RSPH4A: variants seen among roughly 807,000 people sequenced by gnomAD.
RSPH4A encodes the protein radial spoke head component 4A.
Under a neutral mutation model 71.0 loss-of-function variants are expected in RSPH4A, and 47 were observed. The ratio of observed to expected loss-of-function variants is 0.66; its 90% confidence interval spans 0.52 to 0.84. The LOEUF is 0.84. RSPH4A is among the 40% of genes least tolerant of loss of function. The pLI, the probability that RSPH4A is intolerant of heterozygous loss-of-function variation, is 0.00. For synonymous variants in RSPH4A, 282 were observed against 302.3 expected (o/e 0.93, Z 0.70); for missense variants, 793 against 855.2 (o/e 0.93, Z 0.91).
chr6:116,620,028 A>G (rs1010124287), intron 1 of RSPH4A, among the ~76,000 whole-genome samples: 1 of 152,182 alleles, frequency 6.6e-6, no homozygotes, highest in Admixed American at 6.5e-5. Context: ...CTATTAGTTA[A>G]TATTTTAAAC....
At chr6:116,620,251 T>G (rs757543409) in intron 1 of RSPH4A, among the ~76,000 whole-genome samples, 2 of 152,252 alleles carry the variant, frequency 1.3e-5, no homozygotes, top group Non-Finnish European at 2.9e-5. Flanking sequence ...TTTATTGAAT[T>G]ATTTTATAAT....
Position 116,623,001 on chromosome 6 carries a change from T to C in RSPH4A, c.920T>C (p.Ile307Thr), listed in dbSNP as rs748215667. ...GTTGACCAAGAATTGGAAGATGAAA[T>C]AGTAAGTCACTACTACAAATTTTAA... is the stretch of plus-strand genomic sequence containing the variant. Reference protein sequence around the residue: ...EGVDQELEDEIAENALPNVME... With the variant: ...EGVDQELEDETAENALPNVME... Residue 307 changes from isoleucine (I) to threonine (T), a missense_variant and splice_region_variant, in exon 2 of 6, where the codon ATA (isoleucine) becomes ACA (threonine). Transcript: ENST00000229554. The C allele has an allele frequency of 6.4e-7, 1 of 1,562,434 alleles. No homozygotes were observed. The highest frequency in any genetic ancestry group is 1.1e-5 in the South Asian group (1 of 89,990).
intron 4 of RSPH4A, 127 bp from the exon 5 acceptor site, chr6:116,630,308 G>A: frequency 1.4e-6 from 1 of 738,588 alleles, no homozygotes; most frequent in Non-Finnish European, 2.5e-6. Context: ...TTTTCTTTCT[G>A]TATCAAGTAT....
intron 2 of RSPH4A, among the ~76,000 whole-genome samples, chr6:116,624,853 G>C (rs905761305): frequency 6.6e-6 from 1 of 152,186 alleles, no homozygotes; most frequent in African/African-American, 2.4e-5. Context: ...TGGGAAAAAG[G>C]CTTTTCTGAC....
In RSPH4A at chr6:116,627,872, G is replaced by A. The variant is rs368398120; in HGVS notation, c.1165G>A (p.Glu389Lys). Reference protein sequence around the residue: ...EEEVEEEDVAEERDNGESEAH... With the variant: ...EEEVEEEDVAKERDNGESEAH... ...GGAAGTGGAAGAGGAAGATGTAGCT[G>A]AAGAGAGGGACAATGGAGAAAGTGA... Residue 389 changes from glutamate to lysine, a missense_variant, in exon 3 of 6, where the codon GAA (glutamate) becomes AAA (lysine). Glu to Lys is a moderately conservative substitution (Grantham distance 56). Coordinates refer to ENST00000229554, the MANE Select transcript of RSPH4A (RefSeq NM_001010892.3). 3.0e-5 allele frequency: 49 copies of A among 1,613,554 alleles called. No homozygotes were observed. The highest frequency in any genetic ancestry group is 1.6e-4 in the Middle Eastern group (1 of 6,084).
Position 116,616,740 on chromosome 6 carries a change from G to T in RSPH4A, c.117G>T (p.Ser39=), listed in dbSNP as rs747764316. Residue 39 remains serine, a synonymous_variant, in exon 1 of 6, where the codon TCG becomes TCT. Coordinates refer to ENST00000229554, the MANE Select transcript of RSPH4A (RefSeq NM_001010892.3). The part of the protein sequence containing the change: ...AASPQYSEPE[S]SEPLEAKQGP... Reference sequence around the variant, plus strand: ...CTCCCCAATATTCTGAGCCTGAGTCGTCTGAGCCCTTGGAGGCGAAGCAGG... The same window carrying T: ...CTCCCCAATATTCTGAGCCTGAGTCTTCTGAGCCCTTGGAGGCGAAGCAGG... The T allele has an allele frequency of 6.2e-6, 10 of 1,613,592 alleles. No homozygotes were observed. The highest frequency in any genetic ancestry group is 6.8e-6 in the Non-Finnish European group (8 of 1,179,624).
chr6:116,619,854 G>T (rs1249479034), intron 1 of RSPH4A, among the ~76,000 whole-genome samples: 1 of 152,198 alleles, frequency 6.6e-6, no homozygotes, highest in East Asian at 1.9e-4. Flanking sequence ...AAGTAGCTGG[G>T]ACTACAGGCG....
chr6:116,626,004 T>C (rs1380649489), intron 2 of RSPH4A, among the ~76,000 whole-genome samples: 2 of 152,052 alleles, frequency 1.3e-5, no homozygotes, highest in East Asian at 1.9e-4. Context: ...AGTTGAGAGA[T>C]GCGATAAGTG....
At chr6:116,621,817 A>G (rs531156523) in intron 1 of RSPH4A, among the ~76,000 whole-genome samples, 2 of 152,350 alleles carry the variant, frequency 1.3e-5, no homozygotes, top group South Asian at 4.1e-4. Context: ...TATCCACCAG[A>G]GAAGCAATTT....
In RSPH4A at chr6:116,630,541, C is replaced by G; in HGVS notation, c.1905C>G (p.Phe635Leu). The G allele has an allele frequency of 1.3e-6, 2 of 1,514,462 alleles. No homozygotes were observed. Among genetic ancestry groups the G allele is most frequent in the Non-Finnish European group, 1.8e-6 (2 of 1,089,430 alleles). The allele number at this position is 1,514,462 out of a possible 1,614,324, so 93.8% of individuals were successfully genotyped here. A position where few individuals can be genotyped will look rare whatever the true frequency, so the allele number is the denominator to read the frequency against. The change falls in exon 5 of 6, where the codon TTC (phenylalanine) becomes TTG (leucine). Residue 635 changes from phenylalanine to leucine, a missense_variant. Transcript: ENST00000229554. Reference sequence around the variant, plus strand: ...ACCTTTGGCCTGGAGCATATGCCTTCTCCAATGGCAAGTAAGTATCTGACC... The same window carrying G: ...ACCTTTGGCCTGGAGCATATGCCTTGTCCAATGGCAAGTAAGTATCTGACC... ...QSNLWPGAYA[F>L]SNGKKFENFY...
chr6:116,623,125 G>A lies in RSPH4A; in HGVS notation c.921+123G>A. On this transcript the variant is annotated intron_variant, in intron 2 of 5. Transcript: ENST00000229554. ...GTTTTGTTTTGTTTTGTTTTGTTTTGTTTAGACAGGCTCCCAGGCTTGGAG... is the reference window on the plus strand; with the variant it reads ...GTTTTGTTTTGTTTTGTTTTGTTTTATTTAGACAGGCTCCCAGGCTTGGAG... 4.1e-6 allele frequency: 3 copies of A among 735,482 alleles called. No individual in the cohort carries two copies. The South Asian group carries it at 4.7e-5, about 12-fold the overall frequency. The allele number at this position is 735,482 out of a possible 1,614,324, so 45.6% of individuals were successfully genotyped here. A position where few individuals can be genotyped will look rare whatever the true frequency, so the allele number is the denominator to read the frequency against.
intron 5 of RSPH4A, 143 bp downstream of exon 5, chr6:116,630,695 C>CA (rs1775788384): frequency 4.8e-6 from 2 of 417,300 alleles, no homozygotes; most frequent in Non-Finnish European, 8.1e-6. Flanking sequence ...TTTTTTGAGA[C>CA]AGAGTCTTGC....
chr6:116,632,254 A>C lies in RSPH4A; in HGVS notation c.1964A>C (p.Asp655Ala). 1 of 1,612,262 alleles carries C rather than the reference A, an allele frequency of 6.2e-7. No individual in the cohort carries two copies. The highest frequency in any genetic ancestry group is 8.5e-7 in the Non-Finnish European group (1 of 1,179,746). The change falls in exon 6 of 6, where the codon GAC becomes GCC. Residue 655 changes from aspartate to alanine, a missense_variant. Asp to Ala is a moderately radical substitution (Grantham distance 126). Coordinates refer to ENST00000229554, the MANE Select transcript of RSPH4A (RefSeq NM_001010892.3). ...YIGWGHKYSPDNYTPPVPPPV... is the reference protein window; with the variant it reads ...YIGWGHKYSPANYTPPVPPPV... Reference sequence around the variant, plus strand: ...GGCTGGGGTCATAAGTATAGTCCAGACAATTATACACCCCCAGTTCCACCA... The same window carrying C: ...GGCTGGGGTCATAAGTATAGTCCAGCCAATTATACACCCCCAGTTCCACCA...
At chr6:116,622,745 T>C in intron 1 of RSPH4A, 23 bp from the exon 2 acceptor site, 1 of 1,424,646 alleles carries the variant, frequency 7.0e-7, no homozygotes, top group Non-Finnish European at 9.9e-7. Flanking sequence ...GTATATTATC[T>C]GGAATTTTCT....
intron 5 of RSPH4A, among the ~76,000 whole-genome samples, chr6:116,631,766 G>A (rs1048824511): frequency 2.0e-5 from 3 of 152,150 alleles, no homozygotes; most frequent in African/African-American, 7.2e-5. Flanking sequence ...TAAACTCTTT[G>A]TGATTGCCTA....
chr6:116,629,017 G>A (rs941516225), intron 3 of RSPH4A, among the ~76,000 whole-genome samples: 11 of 152,148 alleles, frequency 7.2e-5, no homozygotes, highest in Admixed American at 1.3e-4. Context: ...AGAATCAGAT[G>A]TGAGGCTGCA....
At chr6:116,627,533 G>A in intron 2 of RSPH4A, 96 bp from the exon 3 acceptor site, 1 of 995,436 alleles carries the variant, frequency 1.0e-6, no homozygotes, top group African/African-American at 1.6e-5. Context: ...TCAAAGAAGT[G>A]GTGGAGAAAG....
At chr6:116,625,435 C>G (rs543505174) in intron 2 of RSPH4A, among the ~76,000 whole-genome samples, 75 of 152,132 alleles carry the variant, frequency 4.9e-4, no homozygotes, top group Non-Finnish European at 8.8e-4. Flanking sequence ...CCAGACTGTT[C>G]TTTGTGCATT....
rs549196993 is a variant in RSPH4A, at chr6:116,617,188, G to C, written c.565G>C (p.Asp189His). ...DVFQEEDSNS[D>H]YDLQQPAPGG... ...TTTTCAGGAGGAAGACTCAAACAGT[G>C]ACTATGATTTACAGCAGCCGGCGCC... is the stretch of plus-strand genomic sequence containing the variant. Residue 189 changes from aspartate (D) to histidine (H), a missense_variant, in exon 1 of 6, where the codon GAC becomes CAC. Asp to His is a moderately conservative substitution (Grantham distance 81, BLOSUM62 -1). Transcript: ENST00000229554. 1.9e-6 allele frequency: 3 copies of C among 1,614,190 alleles called. No homozygotes were observed. The South Asian group carries it at 3.3e-5, about 18-fold the overall frequency.
Sources: gnomAD v4.1 joint callset for allele counts (sites outside exome capture counted in the v4.1 genomes callset) on GRCh38, gnomAD v4.1.1 for gene constraint, MANE v1.5 for transcripts, NCBI Gene and HGNC (gene_info 2026-07-23, HGNC 2026-07-21) for gene names.